Variants in C3orf52 observed in about 807,000 individuals in gnomAD.
C3orf52 encodes the protein TPA-induced transmembrane protein.
Under a neutral mutation model 24.8 loss-of-function variants are expected in C3orf52, and 22 were observed. The ratio of observed to expected loss-of-function variants is 0.89; its 90% confidence interval spans 0.63 to 1.27. The LOEUF (loss-of-function observed/expected upper bound fraction) is 1.27. Ranked by LOEUF, C3orf52 falls within the 50% of genes most tolerant of loss-of-function variation. The pLI is 0.00. For missense variants in C3orf52, 265 were observed against 260.7 expected (o/e 1.02, Z -0.11); for synonymous variants, 93 against 100.2 (o/e 0.93, Z 0.43).
chr3:112,112,579 G>A (rs2074093673), intron 4 of C3orf52: 1 of 255,116 alleles, frequency 3.9e-6, no homozygotes, highest in Admixed American at 4.7e-5. Flanking sequence ...AGGAATGTGT[G>A]TGGAGAAAAG....
chr3:112,123,611 C>T (rs1331769284), intron 4 of C3orf52: 1 of 1,614,138 alleles, frequency 6.2e-7, no homozygotes, highest in Non-Finnish European at 8.5e-7. Flanking sequence ...GAAGTGAATA[C>T]TCAGTCTCAG....
chr3:112,130,053 G>T, downstream of C3orf52: 1 of 175,366 alleles, frequency 5.7e-6, no homozygotes, highest in Non-Finnish European at 1.2e-5. Context: ...AAAAATTGTC[G>T]TAACATGGGG....
At chr3:112,128,281 T>C (rs1314321975) in exon 5 of C3orf52, 2 of 685,208 alleles carry the variant, frequency 2.9e-6, no homozygotes, top group Admixed American at 2.0e-5. Context: ...AGCTTTCTGC[T>C]GTGTTCCCAG....
Position 112,086,493 on chromosome 3 carries a change from A to G in C3orf52, c.86A>G (p.Asn29Ser), listed in dbSNP as rs752248651. 6.1e-5 allele frequency: 94 copies of G among 1,551,354 alleles called. No homozygotes were observed. Among genetic ancestry groups the G allele is most frequent in the Middle Eastern group, 3.3e-4 (2 of 6,012 alleles). Residue 29 changes from asparagine (N) to serine (S), a missense_variant, in exon 1 of 6, where the codon AAT becomes AGT. By Grantham distance (46) the Asn-to-Ser change is conservative. Coordinates refer to ENST00000264848, the MANE Select transcript of C3orf52 (RefSeq NM_024616.3). ...ERQPEENTPL[N>S]GADKVFPSLD... ...CAGCCAGAAGAGAACACGCCTCTCA[A>G]TGGTGCCGACAAGGTCTTCCCTTCT... is the stretch of plus-strand genomic sequence containing the variant.
intron 2 of C3orf52, among the ~76,000 whole-genome samples, chr3:112,101,434 T>C (rs765465008): frequency 6.6e-6 from 1 of 152,174 alleles, no homozygotes; most frequent in Non-Finnish European, 1.5e-5. Flanking sequence ...GGCTTGGTCA[T>C]ATACGTAGCC....
intron 4 of C3orf52, among the ~76,000 whole-genome samples, chr3:112,110,373 G>T (rs1416205121): frequency 6.6e-6 from 1 of 151,664 alleles, no homozygotes; most frequent in Non-Finnish European, 1.5e-5. Context: ...ACATAAAGAG[G>T]TATGCACAGG....
At chr3:112,106,352 C>T (rs1187901488) in intron 3 of C3orf52, among the ~76,000 whole-genome samples, 3 of 152,132 alleles carry the variant, frequency 2.0e-5, no homozygotes, top group Non-Finnish European at 2.9e-5. Flanking sequence ...CTCAGTCTCC[C>T]GAGTAGCTGG....
At chr3:112,112,050 G>A (rs572559800) in intron 4 of C3orf52, 1 of 152,240 alleles carries the variant, frequency 6.6e-6, no homozygotes, top group Non-Finnish European at 1.5e-5. Context: ...TAATGGGACT[G>A]GTGCATCTGC....
At chr3:112,134,270 A>T (rs971994475), downstream of C3orf52, 1 of 152,224 alleles carries the variant, frequency 6.6e-6, no homozygotes, top group Non-Finnish European at 1.5e-5. Context: ...CTGGATGCTG[A>T]ACAAGAACCT....
chr3:112,123,620 A>C (rs150784525), intron 4 of C3orf52: 1 of 1,614,060 alleles, frequency 6.2e-7, no homozygotes, highest in Non-Finnish European at 8.5e-7. Flanking sequence ...ACTCAGTCTC[A>C]GTTCCTCCCA....
Position 112,086,465 on chromosome 3 carries a change from C to A in C3orf52, c.58C>A (p.Arg20=), listed in dbSNP as rs554515845. 3 of 1,551,412 alleles carry A rather than the reference C, an allele frequency of 1.9e-6. No homozygotes were observed. The Admixed American group carries it at 5.9e-5, about 30-fold the overall frequency. Residue 20 remains arginine (R), a synonymous_variant, in exon 1 of 6, where the codon CGG becomes AGG. Coordinates refer to ENST00000264848, the MANE Select transcript of C3orf52 (RefSeq NM_024616.3). ...CGAGCTGGAGCTCTCGGTGCTCGAG[C>A]GGCAGCCAGAAGAGAACACGCCTCT... is the stretch of plus-strand genomic sequence containing the variant. The part of the protein sequence containing the change: ...VDELELSVLE[R]QPEENTPLNG...
At chr3:112,108,839 A>G (rs953218756) in intron 3 of C3orf52, among the ~76,000 whole-genome samples, 8 of 152,234 alleles carry the variant, frequency 5.3e-5, no homozygotes, top group African/African-American at 1.7e-4. Flanking sequence ...TGCCAGCTTC[A>G]GAATGATGGT....
At chr3:112,136,306 CT>C in the C3orf52 span, among the ~76,000 whole-genome samples, 2 of 152,250 alleles carry the variant, frequency 1.3e-5, no homozygotes, top group South Asian at 4.1e-4. Flanking sequence ...TTAGTAATCT[CT>C]TTAGGGGATT....
chr3:112,086,489 C>G lies in C3orf52; in HGVS notation c.82C>G (p.Leu28Val). Residue 28 changes from leucine (L) to valine (V), a missense_variant, in exon 1 of 6, where the codon CTC becomes GTC. By Grantham distance (32) the Leu-to-Val change is conservative. Coordinates refer to ENST00000264848, the MANE Select transcript of C3orf52 (RefSeq NM_024616.3). ...LERQPEENTP[L>V]NGADKVFPSL... is the part of the protein sequence containing the mutation. ...GCGGCAGCCAGAAGAGAACACGCCT[C>G]TCAATGGTGCCGACAAGGTCTTCCC... is the stretch of plus-strand genomic sequence containing the variant. 6.4e-7 allele frequency: 1 copy of G among 1,551,554 alleles called. No homozygotes were observed. Among genetic ancestry groups the G allele is most frequent in the Admixed American group, 2.0e-5 (1 of 50,996 alleles).
At position 112,110,857 on chromosome 3, in the gene C3orf52, A is replaced by G. The variant is rs144507087; in HGVS notation, c.467+1244A>G. Among the ~76,000 whole-genome samples, 1,281 of 152,336 alleles carry G rather than the reference A, an allele frequency of 8.4e-3. 8 individuals are homozygous for G. The highest frequency in any genetic ancestry group is 0.014 in the Middle Eastern group (4 of 294). ...GTAGGTAGCACCATGGTGTGGGGCC[A>G]AACAGACCTGAAGTCTACAGATACA... On this transcript the variant is annotated intron_variant, in intron 4 of 5. Transcript: ENST00000264848.
At chr3:112,133,217 T>G, downstream of C3orf52, 1 of 1,368,842 alleles carries the variant, frequency 7.3e-7, no homozygotes, top group African/African-American at 1.4e-5. Context: ...GAAAGGGCTG[T>G]GTGGCTCTGG....
chr3:112,093,058 G>A (rs899988196), intron 1 of C3orf52, among the ~76,000 whole-genome samples: 12 of 152,154 alleles, frequency 7.9e-5, no homozygotes, highest in Non-Finnish European at 1.6e-4. Flanking sequence ...CTGCTGGCCG[G>A]TTCCATTACG....
intron 4 of C3orf52, chr3:112,123,795 C>G (rs771311662): frequency 6.3e-7 from 1 of 1,598,134 alleles, no homozygotes; most frequent in Non-Finnish European, 8.5e-7. Context: ...GAAGAACCAT[C>G]ATCAAGATTT....
chr3:112,113,559 G>A (rs2074107389), intron 5 of C3orf52, among the ~76,000 whole-genome samples: 1 of 152,172 alleles, frequency 6.6e-6, no homozygotes, highest in African/African-American at 2.4e-5. Flanking sequence ...CAGCTAAATT[G>A]CTGAAAGAGT....
Sources: allele counts gnomAD v4.1 joint callset (sites outside exome capture counted in the v4.1 genomes callset), GRCh38; gene constraint gnomAD v4.1.1; transcripts MANE v1.5; gene names NCBI Gene and HGNC (gene_info 2026-07-23, HGNC 2026-07-21).